PRUNE2: variants seen among roughly 807,000 people sequenced by gnomAD.
The protein encoded by PRUNE2 is protein prune homolog 2.
PRUNE2 carries 164 observed loss-of-function variants against 252.0 expected under a neutral mutation model. The ratio of observed to expected loss-of-function variants is 0.65; its 90% CI spans 0.57 to 0.74. The LOEUF is 0.74. PRUNE2 is among the 30% of genes least tolerant of loss of function. The pLI is 0.00. For synonymous variants in PRUNE2, 1,292 were observed against 1,350.2 expected (o/e 0.96, Z 0.94); for missense variants, 3,495 against 3,711.0 (o/e 0.94, Z 1.51).
intron 6 of PRUNE2, chr9:76,740,430 CAG>C (rs1453330989): frequency 8.4e-6 from 1 of 119,038 alleles, no homozygotes; most frequent in East Asian, 2.5e-4. Context: ...GCCTGGGTGA[CAG>C]AGCAAAACTC....
intron 6 of PRUNE2, among the ~76,000 whole-genome samples, chr9:76,722,642 T>C (rs1294043520): frequency 1.3e-5 from 2 of 152,242 alleles, no homozygotes; most frequent in East Asian, 1.9e-4. Context: ...TAATTAAGTA[T>C]TGCCTCTGCA....
intron 10 of PRUNE2, among the ~76,000 whole-genome samples, chr9:76,653,852 T>C (rs1182388638): frequency 3.3e-5 from 5 of 152,124 alleles, no homozygotes; most frequent in Non-Finnish European, 5.9e-5. Context: ...CTCCCTCCTC[T>C]CATTGTAGTA....
rs189803635 is a variant in PRUNE2, at chr9:76,755,727, G to A, written c.757-42006C>T. Among the ~76,000 whole-genome samples, 517 of 152,150 alleles carry A rather than the reference G, an allele frequency of 3.4e-3. 1 individual carries two copies. The highest frequency in any genetic ancestry group is 5.4e-3 in the Non-Finnish European group (368 of 67,996). Reference sequence around the variant, plus strand: ...TGTTTTTGTTTCTGTTTTGAGTCAGGGTCTCACTTTGTCACCCCAGGCTGG... The same window carrying A: ...TGTTTTTGTTTCTGTTTTGAGTCAGAGTCTCACTTTGTCACCCCAGGCTGG... On this transcript the variant is annotated intron_variant, in intron 6 of 18. Transcript: ENST00000376718.
chr9:76,622,353 A>G (rs1239642085), intron 17 of PRUNE2, among the ~76,000 whole-genome samples: 2 of 152,144 alleles, frequency 1.3e-5, no homozygotes, highest in Admixed American at 1.3e-4. Flanking sequence ...CCCAAAAACA[A>G]TAATCATTTT....
At chr9:76,673,803 C>A (rs2134004340) in intron 9 of PRUNE2, among the ~76,000 whole-genome samples, 1 of 151,576 alleles carries the variant, frequency 6.6e-6, no homozygotes, top group East Asian at 1.9e-4. Flanking sequence ...AAGACAAAAA[C>A]CACATGATTA....
At chr9:76,874,580 G>C (rs866272927) in intron 1 of PRUNE2, among the ~76,000 whole-genome samples, 10 of 152,104 alleles carry the variant, frequency 6.6e-5, no homozygotes, top group African/African-American at 2.4e-4. Context: ...AGTCTAATAG[G>C]AAAAAGACAG....
chr9:76,730,011 T>C (rs2048426696), intron 6 of PRUNE2, among the ~76,000 whole-genome samples: 1 of 152,240 alleles, frequency 6.6e-6, no homozygotes, highest in Admixed American at 6.5e-5. Flanking sequence ...CATTTTCTTG[T>C]CTTTCCAAAG....
At chr9:76,746,566 G>A (rs577354084) in intron 6 of PRUNE2, among the ~76,000 whole-genome samples, 7 of 151,434 alleles carry the variant, frequency 4.6e-5, no homozygotes, top group Non-Finnish European at 8.8e-5. Context: ...TTAGCCGGGC[G>A]CGGTGGCGGG....
At chr9:76,684,451 T>A (rs1402932153) in intron 9 of PRUNE2, among the ~76,000 whole-genome samples, 1 of 152,206 alleles carries the variant, frequency 6.6e-6, no homozygotes, top group Admixed American at 6.5e-5. Flanking sequence ...CTGTGCTCCC[T>A]TCCTGTCTCA....
chr9:76,744,364 A>G (rs141703417), intron 6 of PRUNE2, among the ~76,000 whole-genome samples: 2 of 152,300 alleles, frequency 1.3e-5, no homozygotes, highest in African/African-American at 2.4e-5. Flanking sequence ...CACAGTAGAG[A>G]GAGGCCTCAC....
intron 1 of PRUNE2, 129 bp from the exon 2 acceptor site, chr9:76,854,337 A>T (rs2060126095): frequency 4.2e-6 from 2 of 478,494 alleles, no homozygotes; most frequent in African/African-American, 3.9e-5. Context: ...TAAATTTATC[A>T]TGAAGTTTTA....
intron 9 of PRUNE2, among the ~76,000 whole-genome samples, chr9:76,687,820 C>T (rs1458388055): frequency 6.7e-6 from 1 of 149,224 alleles, no homozygotes; most frequent in African/African-American, 2.5e-5. Flanking sequence ...CACAAAACAG[C>T]ACAGGAGGGG....
intron 9 of PRUNE2, among the ~76,000 whole-genome samples, chr9:76,674,259 C>A (rs1588463068): frequency 6.6e-6 from 1 of 152,126 alleles, no homozygotes; most frequent in South Asian, 2.1e-4. Flanking sequence ...TATACACCAA[C>A]AACAGACAAA....
intron 18 of PRUNE2, among the ~76,000 whole-genome samples, chr9:76,618,967 C>T (rs575953380): frequency 6.6e-6 from 1 of 152,302 alleles, no homozygotes; most frequent in South Asian, 2.1e-4. Flanking sequence ...TCTCTCCATC[C>T]ACCAAAGTAT....
At chr9:76,663,835 T>C (rs978626666) in intron 9 of PRUNE2, among the ~76,000 whole-genome samples, 4 of 152,206 alleles carry the variant, frequency 2.6e-5, no homozygotes, top group African/African-American at 9.7e-5. Flanking sequence ...TTAAGATCTA[T>C]GAATAGATTT....
chr9:76,889,526 A>T (rs2062332820), intron 1 of PRUNE2, among the ~76,000 whole-genome samples: 1 of 151,734 alleles, frequency 6.6e-6, no homozygotes, highest in Admixed American at 6.6e-5. Context: ...CGCTAAGTTG[A>T]CCTGGCTGGT....
intron 1 of PRUNE2, among the ~76,000 whole-genome samples, chr9:76,883,805 T>C (rs1299794282): frequency 6.6e-6 from 1 of 152,232 alleles, no homozygotes; most frequent in African/African-American, 2.4e-5. Context: ...CATGTGACGT[T>C]GTTGCTCCTC....
Position 76,655,138 on chromosome 9 carries a change from G to T in PRUNE2, c.8356+285C>A, listed in dbSNP as rs564142997. On this transcript the variant is annotated intron_variant, in intron 10 of 18. Transcript: ENST00000376718. ...GAACTTAGACATTAGTCAGAATTTG[G>T]TACAATATACAGTAGCCAATTATCA... Among the ~76,000 whole-genome samples the T allele has an allele frequency of 1.9e-3, 294 of 152,122 alleles. 1 individual carries two copies. The highest frequency in any genetic ancestry group is 3.1e-3 in the Non-Finnish European group (212 of 67,994).
chr9:76,667,427 A>T (rs2040416049), intron 9 of PRUNE2, among the ~76,000 whole-genome samples: 1 of 152,254 alleles, frequency 6.6e-6, no homozygotes, highest in Non-Finnish European at 1.5e-5. Context: ...GGCTCCTGCC[A>T]TCTGCAGCCC....
Sources: allele counts gnomAD v4.1 joint callset (sites outside exome capture counted in the v4.1 genomes callset), GRCh38; gene constraint gnomAD v4.1.1; transcripts MANE v1.5; gene names NCBI Gene and HGNC (gene_info 2026-07-23, HGNC 2026-07-21).